COL11A1: variants seen among roughly 807,000 people sequenced by gnomAD.
The protein encoded by COL11A1 is collagen alpha-1(XI) chain.
COL11A1 carries 74 observed loss-of-function variants against 265.2 expected under a neutral mutation model. The ratio of observed to expected loss-of-function variants is 0.28; its 90% CI spans 0.23 to 0.34. The LOEUF is 0.34. Among genes scored for constraint, COL11A1 ranks in the 10% least tolerant of loss-of-function variants. The pLI, the probability that COL11A1 is intolerant of heterozygous loss-of-function variation, is 1.00. For synonymous variants in COL11A1, 816 were observed against 727.6 expected (o/e 1.12, Z -1.96); for missense variants, 2,165 against 2,263.6 (o/e 0.96, Z 0.88).
chr1:102,897,037 C>A (rs1423396486), intron 57 of COL11A1, among the ~76,000 whole-genome samples: 1 of 152,026 alleles, frequency 6.6e-6, no homozygotes, highest in Non-Finnish European at 1.5e-5. Flanking sequence ...TGCTTGAAAT[C>A]TACCAAAATT....
intron 1 of COL11A1, among the ~76,000 whole-genome samples, chr1:103,093,083 C>CT (rs1160935530): frequency 6.6e-6 from 1 of 152,116 alleles, no homozygotes; most frequent in Non-Finnish European, 1.5e-5. Flanking sequence ...TGCAAAACAT[C>CT]TTTTTTAAAA....
chr1:102,971,965 G>A (rs935982519), intron 36 of COL11A1, among the ~76,000 whole-genome samples: 9 of 152,026 alleles, frequency 5.9e-5, no homozygotes, highest in Non-Finnish European at 1.0e-4. Context: ...ACATACCCAC[G>A]TATCATTTAC....
At chr1:102,937,622 T>C (rs1658280256) in intron 44 of COL11A1, among the ~76,000 whole-genome samples, 1 of 152,052 alleles carries the variant, frequency 6.6e-6, no homozygotes, top group Admixed American at 6.6e-5. Context: ...TGAAAGAGGG[T>C]TGTTTTAAAG....
intron 24 of COL11A1, chr1:103,001,148 C>T (rs555718297): frequency 3.5e-5 from 14 of 397,370 alleles, no homozygotes; most frequent in Non-Finnish European, 5.8e-5. Flanking sequence ...AATATTAACA[C>T]GAGGATTATT....
intron 62 of COL11A1, among the ~76,000 whole-genome samples, chr1:102,887,500 TA>T: frequency 6.6e-6 from 1 of 152,296 alleles, no homozygotes; most frequent in Non-Finnish European, 1.5e-5. Flanking sequence ...CATTAAACTT[TA>T]AAAAATATGT....
At chr1:103,092,529 CA>C (rs1178092411) in intron 1 of COL11A1, among the ~76,000 whole-genome samples, 2 of 152,010 alleles carry the variant, frequency 1.3e-5, no homozygotes, top group African/African-American at 4.8e-5. Context: ...GAAATGTAAA[CA>C]AACATAAAGA....
At chr1:102,959,163 A>T (rs1660648335) in intron 41 of COL11A1, among the ~76,000 whole-genome samples, 1 of 152,086 alleles carries the variant, frequency 6.6e-6, no homozygotes. Context: ...TTTTCTTAAA[A>T]CTTCAATTTG....
rs774042103 is a variant in COL11A1, at chr1:102,886,900, C to G, written c.4765G>C (p.Asp1589His). ...ATTGGAAATTTCATATGCTCAATGT[C>G]TTGTTTCAGGGAATTGAGGGAACCA... Reference protein sequence around the residue: ...IFGSLNSLKQDIEHMKFPMGT... With the variant: ...IFGSLNSLKQHIEHMKFPMGT... Residue 1589 changes from aspartate to histidine, a missense_variant, in exon 63 of 67, where the codon GAC becomes CAC. Coordinates refer to ENST00000370096, the MANE Select transcript of COL11A1 (RefSeq NM_001854.4). 1 of 1,613,810 alleles carries G rather than the reference C, an allele frequency of 6.2e-7. No homozygotes were observed. Among genetic ancestry groups the G allele is most frequent in the South Asian group, 1.1e-5 (1 of 91,078 alleles).
intron 41 of COL11A1, among the ~76,000 whole-genome samples, chr1:102,959,859 AT>A (rs1570869850): frequency 6.6e-6 from 1 of 152,314 alleles, no homozygotes; most frequent in East Asian, 1.9e-4. Flanking sequence ...TTCCTAAAAA[AT>A]AACTTAAAAC....
chr1:103,042,623 C>A (rs1386796165), intron 4 of COL11A1, among the ~76,000 whole-genome samples: 1 of 152,092 alleles, frequency 6.6e-6, no homozygotes, highest in Non-Finnish European at 1.5e-5. Context: ...TACCCCCATA[C>A]TTTCCTAGCT....
intron 43 of COL11A1, among the ~76,000 whole-genome samples, chr1:102,939,974 C>T (rs932157942): frequency 6.6e-6 from 1 of 152,034 alleles, no homozygotes; most frequent in South Asian, 2.1e-4. Flanking sequence ...TCTTATTGTA[C>T]AATATCCAAG....
chr1:102,927,058 A>G (rs1430788069), intron 46 of COL11A1, among the ~76,000 whole-genome samples: 1 of 152,192 alleles, frequency 6.6e-6, no homozygotes, highest in Non-Finnish European at 1.5e-5. Flanking sequence ...AATTCATTAT[A>G]TTGTGTTCAT....
chr1:103,073,597 C>G (rs911547611), intron 4 of COL11A1, among the ~76,000 whole-genome samples: 3 of 151,470 alleles, frequency 2.0e-5, no homozygotes, highest in African/African-American at 7.3e-5. Flanking sequence ...TTGGTACACA[C>G]TAGTGGATAA....
rs374952348 is a variant in COL11A1, at chr1:103,054,691, C to T, written c.651+19927G>A. Among the ~76,000 whole-genome samples the T allele has an allele frequency of 1.1e-4, 16 of 152,130 alleles. No homozygotes were observed. The South Asian group carries it at 2.1e-3, about 20-fold the overall frequency. ...CCGAGGTGGATGGATTGCCTGAGGT[C>T]GGGAGTTCGAGACCAGCCTCGCCAA... On this transcript the variant is annotated intron_variant, in intron 4 of 66. Coordinates refer to ENST00000370096, the MANE Select transcript of COL11A1 (RefSeq NM_001854.4).
At chr1:103,079,955 T>C (rs1672271322) in intron 2 of COL11A1, among the ~76,000 whole-genome samples, 1 of 151,960 alleles carries the variant, frequency 6.6e-6, no homozygotes, top group African/African-American at 2.4e-5. Context: ...ATTCTACTTC[T>C]AAGAATGTAT....
intron 3 of COL11A1, among the ~76,000 whole-genome samples, chr1:103,078,262 T>G (rs1333308861): frequency 6.6e-6 from 1 of 152,090 alleles, no homozygotes; most frequent in African/African-American, 2.4e-5. Context: ...AATCAGAGAC[T>G]GTATTGGCTT....
Position 102,986,808 on chromosome 1 carries a change from G to A in COL11A1, c.2502+825C>T, listed in dbSNP as rs543832751. 5.9e-5 allele frequency among the ~76,000 whole-genome samples: 9 copies of A among 151,964 alleles called. No individual in the cohort carries two copies. In the East Asian group the frequency reaches 1.2e-3, roughly 20 times the overall value. ...TGTAATGGTTGCAAATCTTTTTGACGCAACACATAATGCCCCGTGTCTCTC... is the reference window on the plus strand; with the variant it reads ...TGTAATGGTTGCAAATCTTTTTGACACAACACATAATGCCCCGTGTCTCTC... On this transcript the variant is annotated intron_variant, in intron 30 of 66. Coordinates refer to ENST00000370096, the MANE Select transcript of COL11A1 (RefSeq NM_001854.4).
intron 57 of COL11A1, among the ~76,000 whole-genome samples, chr1:102,896,610 C>T (rs550983746): frequency 1.1e-3 from 163 of 152,320 alleles, no homozygotes; most frequent in Non-Finnish European, 1.6e-3. Flanking sequence ...TGATGTTTAT[C>T]ATTCCGCTTT....
chr1:103,005,445 A>G (rs1665507128), intron 18 of COL11A1, among the ~76,000 whole-genome samples: 1 of 152,172 alleles, frequency 6.6e-6, no homozygotes, highest in South Asian at 2.1e-4. Context: ...TGTATTAATG[A>G]CAAACCACCT....
Sources: allele counts gnomAD v4.1 joint callset (sites outside exome capture counted in the v4.1 genomes callset), GRCh38; gene constraint gnomAD v4.1.1; transcripts MANE v1.5; gene names NCBI Gene and HGNC (gene_info 2026-07-23, HGNC 2026-07-21).